NDRG4: variants seen among roughly 807,000 people sequenced by gnomAD.
The protein encoded by NDRG4 is protein NDRG4.
NDRG4 carries 38 observed loss-of-function variants against 55.8 expected under a neutral mutation model. That is an observed-to-expected ratio of 0.68 (90% CI 0.53 to 0.89). The LOEUF (loss-of-function observed/expected upper bound fraction) is 0.89, where lower values mean the gene tolerates loss of function less well. NDRG4 is among the 40% of genes least tolerant of loss of function. The probability of loss-of-function intolerance (pLI) is 0.00; values close to 1 mark genes in which losing one functional copy is unlikely to be tolerated. For missense variants in NDRG4, 455 were observed against 468.6 expected (o/e 0.97, Z 0.27); for synonymous variants, 190 against 182.7 (o/e 1.04, Z -0.32).
intron 3 of NDRG4, chr16:58,495,114 T>A: frequency 9.0e-7 from 1 of 1,106,328 alleles, no homozygotes; most frequent in Non-Finnish European, 1.3e-6. Context: ...GTGTGCCCCC[T>A]GCCTAACAGA....
At position 58,506,382 on chromosome 16, in the gene NDRG4, T is replaced by A; in HGVS notation, c.373-5T>A. 1 of 1,613,872 alleles carries A rather than the reference T, an allele frequency of 6.2e-7. No homozygotes were observed. The highest frequency in any genetic ancestry group is 8.5e-7 in the Non-Finnish European group (1 of 1,179,950). On this transcript the variant is annotated splice_region_variant and splice_polypyrimidine_tract_variant and intron_variant, in intron 5 of 14. Transcript: ENST00000570248. ...CGCCCGGCCCTGTTTCCCCTCTTAC[T>A]GCAGCTCATCTTCCCCGACCTGGTG...
At chr16:58,507,297 A>G in intron 8 of NDRG4, 1 of 486,414 alleles carries the variant, frequency 2.1e-6, no homozygotes, top group East Asian at 3.5e-5. Context: ...CCCTGACTCC[A>G]GTAACCCAGC....
chr16:58,496,602 T>C (rs2036438268), upstream of NDRG4, among the ~76,000 whole-genome samples: 2 of 151,844 alleles, frequency 1.3e-5, no homozygotes, highest in Admixed American at 1.3e-4. Flanking sequence ...CAGACCTAGG[T>C]TCTGGCCCCG....
rs991918218 is a variant in NDRG4, at chr16:58,494,895, TA to T, written c.73-67del. The T allele has an allele frequency of 2.2e-6, 3 of 1,367,768 alleles. No individual in the cohort carries two copies. In the Admixed American group the frequency reaches 5.1e-5, roughly 23 times the overall value. 84.7% of individuals were successfully genotyped at this position (1,367,768 alleles called of 1,614,324 possible). A position where few individuals can be genotyped will look rare whatever the true frequency, so the allele number is the denominator to read the frequency against. Reference sequence around the variant, plus strand: ...ACTAGGGGACAGAAATTGAGTCTGCTAAGGCCCCACGGGCTCCCCAGACCAG... The same window carrying T: ...ACTAGGGGACAGAAATTGAGTCTGCTAGGCCCCACGGGCTCCCCAGACCAG... On this transcript the variant is annotated intron_variant, in intron 2 of 15. Transcript: ENST00000258187.
At chr16:58,478,699 T>TG (rs979455844) in intron 1 of NDRG4, among the ~76,000 whole-genome samples, 1 of 144,786 alleles carries the variant, frequency 6.9e-6, no homozygotes, top group East Asian at 1.9e-4. Context: ...TGTTTTTTGT[T>TG]TTTTTTTTTT....
intron 1 of NDRG4, among the ~76,000 whole-genome samples, chr16:58,485,275 G>A (rs1168487415): frequency 1.3e-5 from 2 of 152,166 alleles, no homozygotes; most frequent in African/African-American, 4.8e-5. Context: ...CTCCAGCCAA[G>A]CCCTGGACTG....
At chr16:58,481,008 T>TAA (rs75802479) in intron 1 of NDRG4, among the ~76,000 whole-genome samples, 22 of 132,150 alleles carry the variant, frequency 1.7e-4, no homozygotes, top group South Asian at 4.9e-4. Flanking sequence ...GACTCTGTCT[T>TAA]AAAAAAAAAA....
intron 13 of NDRG4, 68 bp downstream of exon 13, chr16:58,509,420 C>T: frequency 1.9e-6 from 3 of 1,551,156 alleles, no homozygotes; most frequent in Non-Finnish European, 2.6e-6. Context: ...GGGGTTGGGG[C>T]TCCTGTTTGC....
intron 1 of NDRG4, among the ~76,000 whole-genome samples, chr16:58,476,570 C>T (rs567404327): frequency 6.6e-6 from 1 of 152,168 alleles, no homozygotes; most frequent in South Asian, 2.1e-4. Flanking sequence ...ATCATACAGT[C>T]TCTGTTGGCA....
Position 58,507,876 on chromosome 16 carries a change from C to T in NDRG4, c.677+12C>T. ...GCCAAGACGCTCCGGTGAGTGGCCCCTGGCCCTCTGGCCTGCCCTGGCCTT... is the reference window on the plus strand; with the variant it reads ...GCCAAGACGCTCCGGTGAGTGGCCCTTGGCCCTCTGGCCTGCCCTGGCCTT... On this transcript the variant is annotated intron_variant, in intron 9 of 14. Coordinates refer to ENST00000570248, the MANE Select transcript of NDRG4 (RefSeq NM_001242835.2). The T allele has an allele frequency of 1.2e-6, 2 of 1,614,040 alleles. No individual in the cohort carries two copies. Among genetic ancestry groups the T allele is most frequent in the South Asian group, 1.1e-5 (1 of 91,082 alleles).
In NDRG4 at chr16:58,512,071, C is replaced by T. The variant is rs776247557; in HGVS notation, c.*495C>T. The T allele has an allele frequency of 3.7e-5, 17 of 456,874 alleles. 1 individual carries two copies. The highest frequency in any genetic ancestry group is 2.3e-4 in the South Asian group (15 of 64,568). 28.3% of individuals were successfully genotyped at this position (456,874 alleles called of 1,614,324 possible). A position where few individuals can be genotyped will look rare whatever the true frequency, so the allele number is the denominator to read the frequency against. ...GCACATGTGACAATCATCTGGACAA[C>T]AGCCACAAGGGGGCGCTCGGACCAG... is the stretch of plus-strand genomic sequence containing the variant. On this transcript the variant is annotated 3_prime_UTR_variant, in exon 15 of 15. Transcript: ENST00000570248.
chr16:58,486,617 G>C (rs1201771484), intron 1 of NDRG4, among the ~76,000 whole-genome samples: 8 of 151,704 alleles, frequency 5.3e-5, no homozygotes, highest in Admixed American at 5.3e-4. Flanking sequence ...CTGCCATCCT[G>C]AAGTTGAGGG....
intron 10 of NDRG4, 55 bp from the exon 11 acceptor site, chr16:58,508,907 C>T: frequency 6.3e-7 from 1 of 1,596,606 alleles, no homozygotes; most frequent in Non-Finnish European, 8.5e-7. Flanking sequence ...CCTGCCTTGG[C>T]AATGGGGGTG....
rs1291625403 is a variant in NDRG4 at position 58,506,628 on chromosome 16, C to A, written c.516+14C>A. ...CTCTTCAGCCAGGTAAGGGGGGGAACTTCTGCAGATCTGGGGTGATCTGGG... is the reference window on the plus strand; with the variant it reads ...CTCTTCAGCCAGGTAAGGGGGGGAAATTCTGCAGATCTGGGGTGATCTGGG... On this transcript the variant is annotated intron_variant, in intron 7 of 14. Transcript: ENST00000570248. 1.3e-6 allele frequency: 2 copies of A among 1,546,980 alleles called. No individual in the cohort carries two copies.
At chr16:58,501,025 G>A (rs769029240) in intron 1 of NDRG4, 18 of 1,245,408 alleles carry the variant, frequency 1.4e-5, no homozygotes, top group Non-Finnish European at 1.8e-5. Context: ...AAGCTGGCAG[G>A]GCTAGGGGAC....
At chr16:58,482,631 T>TTTCC (rs150642322) in intron 1 of NDRG4, among the ~76,000 whole-genome samples, 1 of 151,454 alleles carries the variant, frequency 6.6e-6, no homozygotes, top group Non-Finnish European at 1.5e-5. Flanking sequence ...CTCTTCTCTT[T>TTTCC]TTCCTTCCTT....
chr16:58,500,516 G>A, intron 1 of NDRG4: 2 of 515,426 alleles, frequency 3.9e-6, no homozygotes, highest in East Asian at 7.6e-5. Flanking sequence ...GCGTGTGGTT[G>A]GGGGGTGGGT....
At chr16:58,501,834 G>GACACCCCTC (rs1244424938) in intron 1 of NDRG4, 4 of 377,162 alleles carry the variant, frequency 1.1e-5, no homozygotes, top group East Asian at 1.5e-4. Context: ...GCAGAGAGCA[G>GACACCCCTC]ACACCCCTCA....
rs756340210 is a variant in NDRG4, at chr16:58,507,944, G to A, written c.678-4G>A. 1.4e-5 allele frequency: 22 copies of A among 1,608,722 alleles called. No homozygotes were observed. Among genetic ancestry groups the A allele is most frequent in the Non-Finnish European group, 1.8e-5 (21 of 1,176,012 alleles). ...CAGACAGCCCTTTTCCTCTGTATCT[G>A]CAGCTGCCCCGTGATGCTGGTGGTT... On this transcript the variant is annotated splice_polypyrimidine_tract_variant and splice_region_variant and intron_variant, in intron 9 of 14. Transcript: ENST00000570248.
Sources: allele counts gnomAD v4.1 joint callset (sites outside exome capture counted in the v4.1 genomes callset), GRCh38; gene constraint gnomAD v4.1.1; transcripts MANE v1.5; gene names NCBI Gene and HGNC (gene_info 2026-07-23, HGNC 2026-07-21).